The following RAI2 variants were observed in gnomAD, a reference collection of about 807,000 sequenced individuals.
RAI2 encodes the protein retinoic acid-induced protein 2.
In RAI2, 5 loss-of-function variants were observed where a neutral mutation model predicts 15.3. The ratio of observed to expected loss-of-function variants is 0.33; its 90% CI spans 0.17 to 0.69. The LOEUF is 0.69. Ranked by LOEUF, RAI2 falls within the 30% of genes least tolerant of loss-of-function variation. The probability of loss-of-function intolerance (pLI) is 0.69; values close to 1 mark genes in which losing one functional copy is unlikely to be tolerated. For synonymous variants in RAI2, 191 were observed against 184.0 expected (o/e 1.04, Z -0.31); for missense variants, 424 against 424.7 (o/e 1.00, Z 0.01).
Position 17,801,350 on chromosome X carries a change from AG to A in RAI2, c.660del (p.Leu221CysfsTer16). ...GTGGCTGGTGGGACCAGGGGGGACA[AG>A]GGGGAGCTAAAAGGCTGTGGGGGCA... The part of the protein sequence containing the change: ...APVPPQPFSS[P>X]LSPLVPPATL... On this transcript the variant is annotated frameshift_variant, in exon 2 of 2. Transcript: ENST00000451717. LOFTEE classifies it high-confidence loss of function. The A allele has an allele frequency of 9.1e-7, 1 of 1,102,631 alleles. No individual in the cohort carries two copies. The allele number at this position is 1,102,631 out of a possible 1,213,427, so 90.9% of individuals were successfully genotyped here.
intron 1 of RAI2, among the ~76,000 whole-genome samples, chrX:17,819,686 C>A (rs1201087315): frequency 3.6e-5 from 4 of 112,529 alleles, no homozygotes; most frequent in African/African-American, 1.3e-4. Flanking sequence ...AATTGCATCT[C>A]AAAACCACCA....
At chrX:17,831,279 T>C (rs1312901901) in intron 1 of RAI2, among the ~76,000 whole-genome samples, 1 of 112,155 alleles carries the variant, frequency 8.9e-6, no homozygotes, top group Non-Finnish European at 1.9e-5. Flanking sequence ...AATATGGATA[T>C]ATGGACATCT....
chrX:17,800,332 A>G lies in RAI2; in HGVS notation c.*86T>C. 1.8e-6 allele frequency: 2 copies of G among 1,082,063 alleles called. No individual in the cohort carries two copies. The highest frequency in any genetic ancestry group is 3.1e-5 in the East Asian group (1 of 32,746). The allele number at this position is 1,082,063 out of a possible 1,213,427, so 89.2% of individuals were successfully genotyped here. A position where few individuals can be genotyped will look rare whatever the true frequency, so the allele number is the denominator to read the frequency against. ...CCAACTACTCCCCAAAATAATTAAC[A>G]AAGATAATTTGTTTTAAATGCCTTT... On this transcript the variant is annotated 3_prime_UTR_variant, in exon 2 of 2. Coordinates refer to ENST00000451717, the MANE Select transcript of RAI2 (RefSeq NM_021785.6).
At chrX:17,806,849 G>A in intron 1 of RAI2, among the ~76,000 whole-genome samples, 1 of 110,733 alleles carries the variant, frequency 9.0e-6, no homozygotes. Flanking sequence ...ATCTTCACGT[G>A]GCCGGCAAGA....
rs1416543918 is a variant in RAI2 at position 17,801,782 on chromosome X, C to G, written c.229G>C (p.Val77Leu). 8.3e-7 allele frequency: 1 copy of G among 1,211,911 alleles called. No homozygotes were observed. The highest frequency in any genetic ancestry group is 1.1e-6 in the Non-Finnish European group (1 of 895,522). ...SGMALKVAATVLQPLCLGESP... is the reference protein window; with the variant it reads ...SGMALKVAATLLQPLCLGESP... ...TCCCCGAGGCACAGGGGCTGCAACACAGTGGCCGCCACCTTCAGAGCCATG... is the reference window on the plus strand; with the variant it reads ...TCCCCGAGGCACAGGGGCTGCAACAGAGTGGCCGCCACCTTCAGAGCCATG... Residue 77 changes from valine (V) to leucine (L), a missense_variant, in exon 2 of 2, where the codon GTG (valine) becomes CTG (leucine). Transcript: ENST00000451717.
At chrX:17,842,775 A>C in intron 1 of RAI2, among the ~76,000 whole-genome samples, 1 of 111,772 alleles carries the variant, frequency 8.9e-6, no homozygotes, top group East Asian at 2.8e-4. Flanking sequence ...ATACTTGTAA[A>C]TGTTTTAAAG....
chrX:17,815,211 C>T (rs2067092384), intron 1 of RAI2, among the ~76,000 whole-genome samples: 1 of 111,298 alleles, frequency 9.0e-6, no homozygotes, highest in Non-Finnish European at 1.9e-5. Context: ...GGAAAAAGAT[C>T]GGCTGTATAA....
intron 1 of RAI2, among the ~76,000 whole-genome samples, chrX:17,821,587 C>T (rs868004006): frequency 4.6e-5 from 5 of 109,559 alleles, no homozygotes; most frequent in African/African-American, 1.7e-4. Context: ...AGAGAGAGAC[C>T]GCGAGAGAGA....
At chrX:17,850,337 C>A (rs1315700816) in intron 1 of RAI2, among the ~76,000 whole-genome samples, 1 of 112,070 alleles carries the variant, frequency 8.9e-6, no homozygotes, top group African/African-American at 3.2e-5. Context: ...GGCCTGTGCT[C>A]ATGACAGCAG....
At chrX:17,842,505 G>A (rs540105870) in intron 1 of RAI2, among the ~76,000 whole-genome samples, 129 of 111,437 alleles carry the variant, frequency 1.2e-3, no homozygotes, top group South Asian at 5.0e-3. Flanking sequence ...CCCATGAGAA[G>A]TAATAAAACA....
intron 1 of RAI2, among the ~76,000 whole-genome samples, chrX:17,805,473 T>C (rs1027126037): frequency 2.7e-5 from 3 of 112,551 alleles, no homozygotes; most frequent in Non-Finnish European, 5.6e-5. Context: ...CTCAGCCTAC[T>C]TCTGGTTACT....
chrX:17,817,765 T>C (rs2067122671), intron 1 of RAI2, among the ~76,000 whole-genome samples: 1 of 112,330 alleles, frequency 8.9e-6, no homozygotes, highest in Admixed American at 9.4e-5. Flanking sequence ...TACCCTTTGA[T>C]GGTTTGCTGG....
Position 17,850,569 on chromosome X carries a change from G to A in RAI2, c.-25+10529C>T, listed in dbSNP as rs185036563. Among the ~76,000 whole-genome samples the A allele has an allele frequency of 5.0e-3, 564 of 112,161 alleles. 5 individuals carry two copies. The highest frequency in any genetic ancestry group is 0.017 in the African/African-American group (523 of 30,846). On this transcript the variant is annotated intron_variant, in intron 1 of 1. Coordinates refer to ENST00000451717, the MANE Select transcript of RAI2 (RefSeq NM_021785.6). ...CAAAGCCAGCTCTCTATGAGTGAGG[G>A]GTCAGAAGAGCTGAGTAAAGAAGGG...
chrX:17,857,776 C>G (rs964325729), intron 1 of RAI2, among the ~76,000 whole-genome samples: 11 of 111,960 alleles, frequency 9.8e-5, no homozygotes, highest in African/African-American at 3.2e-4. Flanking sequence ...TCACTCAACT[C>G]TCATTTATTA....
intron 1 of RAI2, among the ~76,000 whole-genome samples, chrX:17,854,860 G>C (rs1771427216): frequency 8.9e-6 from 1 of 111,999 alleles, no homozygotes; most frequent in African/African-American, 3.3e-5. Flanking sequence ...AGGAGCCCAA[G>C]GGGGTCAGCC....
chrX:17,852,918 T>A (rs928432221), intron 1 of RAI2, among the ~76,000 whole-genome samples: 12 of 110,145 alleles, frequency 1.1e-4, no homozygotes, highest in African/African-American at 3.0e-4. Flanking sequence ...TGGAATTTAG[T>A]GGTGGGTAAA....
At chrX:17,816,015 GTTCTTTCT>G (rs775775687) in intron 1 of RAI2, among the ~76,000 whole-genome samples, 1 of 109,265 alleles carries the variant, frequency 9.2e-6, no homozygotes, top group African/African-American at 3.3e-5. Context: ...CCTCTTTCTT[GTTCTTTCT>G]TTCTTTCTTT....
chrX:17,859,839 C>T (rs2067665080), intron 1 of RAI2, among the ~76,000 whole-genome samples: 1 of 111,928 alleles, frequency 8.9e-6, no homozygotes, highest in African/African-American at 3.2e-5. Context: ...CCCCACCTCT[C>T]CCCTACCTGA....
In RAI2 at chrX:17,808,639, G is replaced by A. The variant is rs756034915; in HGVS notation, c.-24-6605C>T. 1.7e-4 allele frequency among the ~76,000 whole-genome samples: 17 copies of A among 99,999 alleles called. No individual in the cohort carries two copies. The South Asian group carries it at 6.5e-3, about 38-fold the overall frequency. 86.8% of individuals were successfully genotyped at this position (99,999 alleles called of 115,157 possible). A position where few individuals can be genotyped will look rare whatever the true frequency, so the allele number is the denominator to read the frequency against. On this transcript the variant is annotated intron_variant, in intron 1 of 1. Transcript: ENST00000451717. ...ACCAAACTCCCTCCTCTTCCCCCCC[G>A]GCCCCCGCAGTGTCTCCCCATGTGC...
Sources: gnomAD v4.1 joint callset for allele counts (sites outside exome capture counted in the v4.1 genomes callset) on GRCh38, gnomAD v4.1.1 for gene constraint, MANE v1.5 for transcripts, NCBI Gene and HGNC (gene_info 2026-07-23, HGNC 2026-07-21) for gene names.